Variants in DLG2 observed in about 807,000 individuals in gnomAD.
DLG2 encodes the protein discs large MAGUK scaffold protein 2, also known as disks large homolog 2.
DLG2 carries 45 observed loss-of-function variants against 132.5 expected under a neutral mutation model. The observed-to-expected ratio is 0.34, with a 90% CI of 0.27 to 0.44. DLG2 has a LOEUF of 0.44. Among genes scored for constraint, DLG2 ranks in the 20% least tolerant of loss-of-function variants. The pLI, the probability that DLG2 is intolerant of heterozygous loss-of-function variation, is 1.00. For missense variants in DLG2, 1,045 were observed against 1,196.9 expected (o/e 0.87, Z 1.87); for synonymous variants, 424 against 419.6 (o/e 1.01, Z -0.13).
chr11:83,583,695 G>C (rs928235111), intron 19 of DLG2, among the ~76,000 whole-genome samples: 3 of 152,132 alleles, frequency 2.0e-5, no homozygotes, highest in African/African-American at 7.2e-5. Context: ...TGGACGATAA[G>C]TTTCTTGAGA....
intron 18 of DLG2, among the ~76,000 whole-genome samples, chr11:83,706,006 C>T (rs1010750833): frequency 4.6e-5 from 7 of 152,108 alleles, no homozygotes; most frequent in Admixed American, 1.3e-4. Flanking sequence ...ATCATGAAGT[C>T]AGGAGATTGA....
intron 6 of DLG2, chr11:84,997,822 C>G (rs1407400291): frequency 3.9e-5 from 6 of 152,114 alleles, no homozygotes; most frequent in Admixed American, 2.6e-4. Flanking sequence ...CTACGTGATG[C>G]AGCAGGCATC....
intron 7 of DLG2, among the ~76,000 whole-genome samples, chr11:84,359,995 G>A (rs1287343499): frequency 2.0e-5 from 3 of 151,800 alleles, no homozygotes; most frequent in Non-Finnish European, 2.9e-5. Context: ...CAAAGAAAAT[G>A]CAATTGGTAG....
chr11:84,375,710 T>C (rs1255552307), intron 7 of DLG2, among the ~76,000 whole-genome samples: 1 of 152,048 alleles, frequency 6.6e-6, no homozygotes, highest in African/African-American at 2.4e-5. Flanking sequence ...CATATTTTAA[T>C]ACTGATTGTT....
At chr11:85,017,752 C>A (rs1021565885) in intron 6 of DLG2, among the ~76,000 whole-genome samples, 1 of 152,152 alleles carries the variant, frequency 6.6e-6, no homozygotes, top group African/African-American at 2.4e-5. Flanking sequence ...AACCTCCACC[C>A]TCACCATATA....
chr11:83,996,532 C>G (rs1166510180), intron 11 of DLG2, among the ~76,000 whole-genome samples: 1 of 152,144 alleles, frequency 6.6e-6, no homozygotes, highest in Non-Finnish European at 1.5e-5. Flanking sequence ...CTTATTGCAG[C>G]ACTATTTACA....
Position 84,066,906 on chromosome 11 carries a change from A to G in DLG2, c.750-7422T>C, listed in dbSNP as rs117894426. ...AGTAGTATTCTCTTTCTTCAAATAAATGAATTAATTACAGACCAAAGGGCC... is the reference window on the plus strand; with the variant it reads ...AGTAGTATTCTCTTTCTTCAAATAAGTGAATTAATTACAGACCAAAGGGCC... On this transcript the variant is annotated intron_variant, in intron 10 of 27. Transcript: ENST00000376104. 5.3e-3 allele frequency among the ~76,000 whole-genome samples: 801 copies of G among 152,306 alleles called. 2 individuals carry two copies. The highest frequency in any genetic ancestry group is 0.01 in the Middle Eastern group (3 of 294).
chr11:83,610,029 T>C (rs2059886204), intron 19 of DLG2, among the ~76,000 whole-genome samples: 1 of 152,190 alleles, frequency 6.6e-6, no homozygotes, highest in African/African-American at 2.4e-5. Flanking sequence ...CCCCAGGGTC[T>C]CAACACTCCT....
intron 18 of DLG2, among the ~76,000 whole-genome samples, chr11:83,652,525 C>T (rs1426747423): frequency 2.0e-5 from 3 of 152,102 alleles, no homozygotes; most frequent in Non-Finnish European, 4.4e-5. Flanking sequence ...CGTGCACCAC[C>T]ACACCTGGCT....
At chr11:84,737,829 G>A (rs1351116486) in intron 6 of DLG2, among the ~76,000 whole-genome samples, 2 of 152,006 alleles carry the variant, frequency 1.3e-5, no homozygotes, top group South Asian at 4.1e-4. Flanking sequence ...GATCAGATAT[G>A]GGGGAAATTC....
At chr11:85,472,552 C>T (rs2093018553) in intron 3 of DLG2, among the ~76,000 whole-genome samples, 1 of 152,168 alleles carries the variant, frequency 6.6e-6, no homozygotes, top group African/African-American at 2.4e-5. Context: ...CCCGCCTTGG[C>T]CTCCTAAAGT....
intron 3 of DLG2, among the ~76,000 whole-genome samples, chr11:85,319,543 C>T (rs556242493): frequency 2.0e-4 from 31 of 151,752 alleles, no homozygotes; most frequent in African/African-American, 7.5e-4. Context: ...TGAAGAAAAG[C>T]CTCTTAATGT....
rs773385431 is a variant in DLG2, at chr11:85,598,709, C to T, written c.-13G>A. The T allele has an allele frequency of 8.9e-6, 14 of 1,576,728 alleles. No homozygotes were observed. Among genetic ancestry groups the T allele is most frequent in the South Asian group, 2.4e-5 (2 of 84,706 alleles). On this transcript the variant is annotated 5_prime_UTR_variant, in exon 3 of 28. Coordinates refer to ENST00000376104, the MANE Select transcript of DLG2 (RefSeq NM_001142699.3). ...TAAAGATACCCATCACCTTTTTAAC[C>T]GCATTTTTCAACAGCTGCTCCTCTG...
intron 18 of DLG2, among the ~76,000 whole-genome samples, chr11:83,649,480 A>C (rs558889723): frequency 6.6e-6 from 1 of 152,298 alleles, no homozygotes; most frequent in Admixed American, 6.5e-5. Flanking sequence ...CTTTCTATGC[A>C]CAGAATGTCT....
chr11:85,066,313 C>T (rs945082939), intron 6 of DLG2, among the ~76,000 whole-genome samples: 3 of 151,354 alleles, frequency 2.0e-5, no homozygotes, highest in Non-Finnish European at 4.4e-5. Context: ...TAAAAAACTC[C>T]CCTCCCAAAA....
intron 9 of DLG2, among the ~76,000 whole-genome samples, chr11:84,132,126 A>C (rs1235174166): frequency 6.6e-6 from 1 of 152,018 alleles, no homozygotes; most frequent in Non-Finnish European, 1.5e-5. Context: ...CATATATCAA[A>C]AGCAGGGCAT....
chr11:85,006,524 C>G (rs1227829), intron 6 of DLG2, among the ~76,000 whole-genome samples: 3 of 151,980 alleles, frequency 2.0e-5, no homozygotes, highest in African/African-American at 4.8e-5. Context: ...AGAGGTGTTT[C>G]TAGTATTCTC....
chr11:84,457,687 G>C (rs557591291), intron 7 of DLG2, among the ~76,000 whole-genome samples: 2 of 150,968 alleles, frequency 1.3e-5, no homozygotes, highest in South Asian at 2.1e-4. Context: ...CTGTTTCTGA[G>C]AGCAATTTCA....
chr11:84,983,636 T>A (rs149337354), intron 6 of DLG2, among the ~76,000 whole-genome samples: 26 of 152,304 alleles, frequency 1.7e-4, no homozygotes, highest in African/African-American at 5.5e-4. Context: ...CATGAATCCA[T>A]ACCAAGAATT....
Sources: allele counts gnomAD v4.1 joint callset (sites outside exome capture counted in the v4.1 genomes callset), GRCh38; gene constraint gnomAD v4.1.1; transcripts MANE v1.5; gene names NCBI Gene and HGNC (gene_info 2026-07-23, HGNC 2026-07-21).